Variants in ANKRD52 observed in about 807,000 individuals in gnomAD.
ANKRD52 encodes the protein ankyrin repeat domain 52.
Under a neutral mutation model 116.0 loss-of-function variants are expected in ANKRD52, and 7 were observed. The ratio of observed to expected loss-of-function variants is 0.06; its 90% CI spans 0.03 to 0.11. The LOEUF is 0.11. ANKRD52 is among the 10% of genes least tolerant of loss of function. The probability of loss-of-function intolerance (pLI) is 1.00; values close to 1 mark genes in which losing one functional copy is unlikely to be tolerated. For missense variants in ANKRD52, 839 were observed against 1,408.6 expected (o/e 0.60, Z 6.47); for synonymous variants, 528 against 578.1 (o/e 0.91, Z 1.24).
chr12:56,258,172 C>T (rs1252844206), intron 1 of ANKRD52, 71 bp downstream of exon 1: 3 of 1,563,760 alleles, frequency 1.9e-6, no homozygotes, highest in Non-Finnish European at 2.6e-6. Context: ...CTAGGCCGCA[C>T]ATCCCCGGGC....
Position 56,254,442 on chromosome 12 carries a change from T to C in ANKRD52, c.693+136A>G. 6.8e-7 allele frequency: 1 copy of C among 1,461,126 alleles called. No individual in the cohort carries two copies. The highest frequency in any genetic ancestry group is 9.2e-7 in the Non-Finnish European group (1 of 1,085,408). The allele number at this position is 1,461,126 out of a possible 1,614,324, so 90.5% of individuals were successfully genotyped here. ...AGGGCACTATGGCTAAGGTAAGCAT[T>C]ATTCAGACCCTCTCTACCACGTCCT... On this transcript the variant is annotated intron_variant, in intron 7 of 27. Coordinates refer to ENST00000267116, the MANE Select transcript of ANKRD52 (RefSeq NM_173595.4). The surrounding 1 kb of genome is among the most constrained non-coding windows in gnomAD (Gnocchi z 4.6).
At position 56,248,006 on chromosome 12, in the gene ANKRD52, C is replaced by CT. The variant is rs758039831; in HGVS notation, c.1978+16dup. ...GGCATGGCAAGGGTAGGGCAGCAGCCTAAAGTGGGCACTAACCAGCAGCGT... is the reference window on the plus strand; with the variant it reads ...GGCATGGCAAGGGTAGGGCAGCAGCCTTAAAGTGGGCACTAACCAGCAGCGT... On this transcript the variant is annotated intron_variant, in intron 18 of 27. Transcript: ENST00000267116. This position sits in a 1 kb window ranked among gnomAD's most constrained non-coding sequence, Gnocchi z 5.1. 1 of 1,579,482 alleles carries CT rather than the reference C, an allele frequency of 6.3e-7. No homozygotes were observed. The highest frequency in any genetic ancestry group is 8.6e-7 in the Non-Finnish European group (1 of 1,168,900).
intron 15 of ANKRD52, among the ~76,000 whole-genome samples, chr12:56,250,929 T>C (rs922973969): frequency 6.6e-6 from 1 of 152,016 alleles, no homozygotes; most frequent in Non-Finnish European, 1.5e-5. Context: ...TAAATTTTTA[T>C]TTAATTTTAT....
Position 56,252,746 on chromosome 12 carries a change from T to G in ANKRD52, c.1301+34A>C, listed in dbSNP as rs757068520. The G allele has an allele frequency of 2.6e-5, 41 of 1,601,874 alleles. No individual in the cohort carries two copies. Among genetic ancestry groups the G allele is most frequent in the Non-Finnish European group, 3.5e-5 (41 of 1,170,064 alleles). On this transcript the variant is annotated intron_variant, in intron 12 of 27. Coordinates refer to ENST00000267116, the MANE Select transcript of ANKRD52 (RefSeq NM_173595.4). The surrounding 1 kb of genome is among the most constrained non-coding windows in gnomAD (Gnocchi z 4.7). ...GGGCCCAGACCTTTGCCCAGCTCCCTGCTCAAAGCATGGGAGAGAGAAAGA... is the reference window on the plus strand; with the variant it reads ...GGGCCCAGACCTTTGCCCAGCTCCCGGCTCAAAGCATGGGAGAGAGAAAGA...
rs1166357698 is a variant in ANKRD52 at position 56,255,486 on chromosome 12, G to A, written c.462+298C>T. ...ATTACAGGCGTGAGCCGCCGTGCCC[G>A]GCCGGTTCTTAAACTCTTGTAAGTC... On this transcript the variant is annotated intron_variant, in intron 5 of 27. Transcript: ENST00000267116. This position sits in a 1 kb window ranked among gnomAD's most constrained non-coding sequence, Gnocchi z 4.3. 6.6e-6 allele frequency among the ~76,000 whole-genome samples: 1 copy of A among 152,182 alleles called. No homozygotes were observed. Among genetic ancestry groups the A allele is most frequent in the Non-Finnish European group, 1.5e-5 (1 of 68,038 alleles).
In ANKRD52 at chr12:56,254,546, T is replaced by C. The variant is rs186218313; in HGVS notation, c.693+32A>G. The C allele has an allele frequency of 8.1e-6, 13 of 1,606,806 alleles. No homozygotes were observed. The East Asian group carries it at 2.2e-4, about 28-fold the overall frequency. Reference sequence around the variant, plus strand: ...ACTATAATCTCCTACTTGCTGCCCATAGTTCCCAACCCCAGAGCTCAAAGC... The same window carrying C: ...ACTATAATCTCCTACTTGCTGCCCACAGTTCCCAACCCCAGAGCTCAAAGC... On this transcript the variant is annotated intron_variant, in intron 7 of 27. Transcript: ENST00000267116. This position sits in a 1 kb window ranked among gnomAD's most constrained non-coding sequence, Gnocchi z 4.6.
At chr12:56,246,948 A>G (rs1871433240) in intron 20 of ANKRD52, among the ~76,000 whole-genome samples, 1 of 146,546 alleles carries the variant, frequency 6.8e-6, no homozygotes, top group Admixed American at 6.9e-5. Context: ...AATAATAATA[A>G]TAATAATAAT....
chr12:56,243,809 T>C lies in ANKRD52; in HGVS notation c.2956A>G (p.Thr986Ala). Residue 986 changes from threonine to alanine, a missense_variant, in exon 27 of 28, where the codon ACA becomes GCA. Thr to Ala is a moderately conservative substitution (Grantham distance 58). This residue lies in a region of ANKRD52 where 552 missense variants were observed against 810.6 expected (regional missense o/e 0.68). Transcript: ENST00000267116. This position sits in a 1 kb window ranked among gnomAD's most constrained non-coding sequence, Gnocchi z 4.6. ...VVQALLSHGA[T>A]VLAVDEEGHT... The stretch of plus-strand genomic sequence containing the variant: ...CCTTCTTCATCCACAGCCAGCACTG[T>C]GGCCCCATGACTCAGCAGGGCCTGT... 6.4e-7 allele frequency: 1 copy of C among 1,561,812 alleles called. No homozygotes were observed. Among genetic ancestry groups the C allele is most frequent in the Non-Finnish European group, 8.7e-7 (1 of 1,152,710 alleles).
chr12:56,253,150 G>A lies in ANKRD52; in HGVS notation c.1101-64C>T. The A allele has an allele frequency of 6.8e-7, 1 of 1,462,516 alleles. No homozygotes were observed. Among genetic ancestry groups the A allele is most frequent in the Admixed American group, 2.2e-5 (1 of 46,154 alleles). 90.6% of individuals were successfully genotyped at this position (1,462,516 alleles called of 1,614,324 possible). A position where few individuals can be genotyped will look rare whatever the true frequency, so the allele number is the denominator to read the frequency against. On this transcript the variant is annotated intron_variant, in intron 10 of 27. Transcript: ENST00000267116. The surrounding 1 kb of genome is among the most constrained non-coding windows in gnomAD (Gnocchi z 5.5). ...AGGGACCAAGTAAGACCTCTTCTGT[G>A]ACCTACCACCACCCTAGAGTCAGGG...
Position 56,252,274 on chromosome 12 carries a change from C to A in ANKRD52, c.1412G>T (p.Cys471Phe). ...HYAAANGSYQ[C>F]AVTLVTAGAG... ...CCCAGCAGTCACCAATGTTACTGCA[C>A]ACTGGTAGCTACCGTTAGCAGCTGC... The change falls in exon 14 of 28, where the codon TGT becomes TTT. Residue 471 changes from cysteine to phenylalanine, a missense_variant. Physicochemically the swap from Cys to Phe is radical, Grantham distance 205 (BLOSUM62 -2). Coordinates refer to ENST00000267116, the MANE Select transcript of ANKRD52 (RefSeq NM_173595.4). This position sits in a 1 kb window ranked among gnomAD's most constrained non-coding sequence, Gnocchi z 4.7. 1 of 1,614,006 alleles carries A rather than the reference C, an allele frequency of 6.2e-7. No homozygotes were observed. The highest frequency in any genetic ancestry group is 1.6e-4 in the Middle Eastern group (1 of 6,062).
rs1354066812 is a variant in ANKRD52 at position 56,247,513 on chromosome 12, G to T, written c.2164C>A (p.Arg722Ser). The T allele has an allele frequency of 5.0e-6, 8 of 1,586,568 alleles. No individual in the cohort carries two copies. Among genetic ancestry groups the T allele is most frequent in the Non-Finnish European group, 6.9e-6 (8 of 1,165,780 alleles). ...CTCACCCCGCGGTGGAGGGCAGTGC[G>T]GCCCCGGAGGTCAGCAGCATCAGCT... is the stretch of plus-strand genomic sequence containing the variant. ...STADAADLRGRTALHRGAVTG... is the reference protein window; with the variant it reads ...STADAADLRGSTALHRGAVTG... Residue 722 changes from arginine (R) to serine (S), a missense_variant, in exon 20 of 28, where the codon CGC (arginine) becomes AGC (serine). Physicochemically the swap from Arg to Ser is moderately radical, Grantham distance 110. Transcript: ENST00000267116.
chr12:56,243,973 A>T lies in ANKRD52; in HGVS notation c.2888+78T>A. ...GCTGAACAAATACAATGGGCTCCAG[A>T]GAGCCTCTGAACAGCGGCCACTCTT... On this transcript the variant is annotated intron_variant, in intron 26 of 27. Coordinates refer to ENST00000267116, the MANE Select transcript of ANKRD52 (RefSeq NM_173595.4). The surrounding 1 kb of genome is among the most constrained non-coding windows in gnomAD (Gnocchi z 4.6). 6.2e-7 allele frequency: 1 copy of T among 1,603,508 alleles called. No individual in the cohort carries two copies.
chr12:56,255,048 G>T lies in ANKRD52; in HGVS notation c.463-96C>A. On this transcript the variant is annotated intron_variant, in intron 5 of 27. Transcript: ENST00000267116. The surrounding 1 kb of genome is among the most constrained non-coding windows in gnomAD (Gnocchi z 4.3). ...CTCATCTCCTGAAAAGGCTGAGGCA[G>T]CCTAATGCCTTTTTCCATGAGCAAA... 1.5e-6 allele frequency: 2 copies of T among 1,292,436 alleles called. No homozygotes were observed. Among genetic ancestry groups the T allele is most frequent in the South Asian group, 1.3e-5 (1 of 79,108 alleles). The allele number at this position is 1,292,436 out of a possible 1,614,324, so 80.1% of individuals were successfully genotyped here.
In ANKRD52 at chr12:56,258,231, A is replaced by G. The variant is rs746320626; in HGVS notation, c.27+12T>C. 1 of 1,600,116 alleles carries G rather than the reference A, an allele frequency of 6.2e-7. No individual in the cohort carries two copies. The highest frequency in any genetic ancestry group is 8.5e-7 in the Non-Finnish European group (1 of 1,174,540). ...CTGGAAGGAGGAAGCGGGAAAGGGC[A>G]GGAGGGCTGACCTGGTCCGTGATGC... On this transcript the variant is annotated intron_variant, in intron 1 of 27. Coordinates refer to ENST00000267116, the MANE Select transcript of ANKRD52 (RefSeq NM_173595.4).
At position 56,243,411 on chromosome 12, in the gene ANKRD52, G is replaced by A; in HGVS notation, c.2981-19C>T. 5.0e-6 allele frequency: 8 copies of A among 1,611,924 alleles called. No homozygotes were observed. Among genetic ancestry groups the A allele is most frequent in the Non-Finnish European group, 6.8e-6 (8 of 1,178,932 alleles). On this transcript the variant is annotated intron_variant, in intron 27 of 27. Coordinates refer to ENST00000267116, the MANE Select transcript of ANKRD52 (RefSeq NM_173595.4). The surrounding 1 kb of genome is among the most constrained non-coding windows in gnomAD (Gnocchi z 4.6). ...GTGTGACCTGCAGGGCCAAGGGGGA[G>A]AACTGAGGCATAGAGTCCTGTATCC...
chr12:56,251,938 T>C (rs1347693525), intron 15 of ANKRD52, 77 bp downstream of exon 15: 7 of 1,476,488 alleles, frequency 4.7e-6, no homozygotes, highest in African/African-American at 1.4e-5. Flanking sequence ...GAGGTTCAGA[T>C]TAGGTAGGAG....
At chr12:56,251,221 G>A (rs952718149) in intron 15 of ANKRD52, among the ~76,000 whole-genome samples, 3 of 150,538 alleles carry the variant, frequency 2.0e-5, no homozygotes, top group East Asian at 2.0e-4. Context: ...GATTATAGGC[G>A]TGAACCACCA....
At position 56,248,504 on chromosome 12, in the gene ANKRD52, CA is replaced by C; in HGVS notation, c.1766del (p.Leu589CysfsTer3). The C allele has an allele frequency of 6.3e-7, 1 of 1,594,880 alleles. No individual in the cohort carries two copies. Among genetic ancestry groups the C allele is most frequent in the Non-Finnish European group, 8.5e-7 (1 of 1,170,718 alleles). Reference sequence around the variant, plus strand: ...AAGACGTGGGACTCACAGCTAAGTGCAAAGGGCTGACTGGAATGGTGCTCTC... The same window carrying C: ...AAGACGTGGGACTCACAGCTAAGTGCAAGGGCTGACTGGAATGGTGCTCTC... ...DVESTIPVSP[L>X]HLAAYNGHCE... is the part of the protein sequence containing the mutation. On this transcript the variant is annotated frameshift_variant, in exon 17 of 28. Transcript: ENST00000267116. LOFTEE classifies it high-confidence loss of function. This position sits in a 1 kb window ranked among gnomAD's most constrained non-coding sequence, Gnocchi z 5.1.
rs1011115188 is a variant in ANKRD52, at chr12:56,252,658, C to T, written c.1302-88G>A. 6.5e-7 allele frequency: 1 copy of T among 1,541,194 alleles called. No individual in the cohort carries two copies. Among genetic ancestry groups the T allele is most frequent in the African/African-American group, 1.4e-5 (1 of 73,418 alleles). The stretch of plus-strand genomic sequence containing the variant: ...GCTAAGGAAGGATGGGACTAGCAAG[C>T]CCTTTCTGCTGTGACTGCTTTCATT... On this transcript the variant is annotated intron_variant, in intron 12 of 27. Coordinates refer to ENST00000267116, the MANE Select transcript of ANKRD52 (RefSeq NM_173595.4). This position sits in a 1 kb window ranked among gnomAD's most constrained non-coding sequence, Gnocchi z 4.7.
Sources: allele counts gnomAD v4.1 joint callset (sites outside exome capture counted in the v4.1 genomes callset), GRCh38; gene constraint gnomAD v4.1.1; regional missense constraint gnomAD v4.1.1; non-coding constraint Gnocchi (gnomAD v3.1); transcripts MANE v1.5; gene names NCBI Gene and HGNC (gene_info 2026-07-23, HGNC 2026-07-21).